Variants in PIBF1 observed in about 807,000 individuals in gnomAD.
PIBF1 encodes the protein progesterone-induced-blocking factor 1.
Under a neutral mutation model 112.5 loss-of-function variants are expected in PIBF1, and 90 were observed. The observed-to-expected ratio is 0.80, with a 90% CI of 0.67 to 0.95. The LOEUF (loss-of-function observed/expected upper bound fraction) is 0.95. Among genes scored for constraint, PIBF1 ranks in the 40% least tolerant of loss-of-function variants. The pLI is 0.00. For synonymous variants in PIBF1, 301 were observed against 288.6 expected, an observed-to-expected ratio of 1.04 and a Z score of -0.44; for missense variants, 915 against 852.3, an observed-to-expected ratio of 1.07 and a Z score of -0.92.
chr13:73,000,675 C>G (rs1418007538), intron 17 of PIBF1, among the ~76,000 whole-genome samples: 3 of 152,200 alleles, frequency 2.0e-5, no homozygotes, highest in African/African-American at 7.2e-5. Context: ...CCTGTCAGCA[C>G]TCTCTGATCT....
intron 9 of PIBF1, among the ~76,000 whole-genome samples, chr13:72,848,104 G>C (rs2037953682): frequency 6.6e-6 from 1 of 152,154 alleles, no homozygotes; most frequent in Non-Finnish European, 1.5e-5. Flanking sequence ...TGATAGCCAT[G>C]GTTATTTTTG....
At chr13:72,859,147 C>T (rs577230904) in intron 10 of PIBF1, among the ~76,000 whole-genome samples, 1 of 152,090 alleles carries the variant, frequency 6.6e-6, no homozygotes, top group Non-Finnish European at 1.5e-5. Flanking sequence ...AGATTATGCT[C>T]AGTAAGCAGC....
rs767218753 is a variant in PIBF1, at chr13:73,012,594, C to CA, written c.2224-3267dup. 4.5e-4 allele frequency among the ~76,000 whole-genome samples: 67 copies of CA among 149,310 alleles called. 1 individual carries two copies. The highest frequency in any genetic ancestry group is 2.4e-3 in the East Asian group (12 of 5,004). On this transcript the variant is annotated intron_variant, in intron 17 of 17. Transcript: ENST00000326291. ...ACACACCAAAAAAAACAAAAAAAAA[C>CA]AAAAAAAACACTTAGCCAGGCACTG...
rs1175476145 is a variant in PIBF1 at position 72,846,871 on chromosome 13, C to G, written c.1224-7186C>G. 2.6e-5 allele frequency among the ~76,000 whole-genome samples: 4 copies of G among 152,124 alleles called. No homozygotes were observed. The East Asian group carries it at 7.7e-4, about 29-fold the overall frequency. ...CATGTATCGTTCAGTCCTGGACTCCCAGGTACCAGTGCCTGGTACGCAGTA... is the reference window on the plus strand; with the variant it reads ...CATGTATCGTTCAGTCCTGGACTCCGAGGTACCAGTGCCTGGTACGCAGTA... On this transcript the variant is annotated intron_variant, in intron 9 of 17. Coordinates refer to ENST00000326291, the MANE Select transcript of PIBF1 (RefSeq NM_006346.4).
intron 10 of PIBF1, among the ~76,000 whole-genome samples, chr13:72,862,012 G>A (rs1298621383): frequency 6.6e-6 from 1 of 152,066 alleles, no homozygotes; most frequent in Non-Finnish European, 1.5e-5. Context: ...AGAATAAAGT[G>A]ATGAAAACAG....
intron 14 of PIBF1, among the ~76,000 whole-genome samples, chr13:72,948,866 C>A (rs1347614664): frequency 1.3e-5 from 2 of 152,196 alleles, no homozygotes; most frequent in African/African-American, 4.8e-5. Context: ...GTCACGAGAA[C>A]AGCATGAGCG....
chr13:72,783,508 C>T lies in PIBF1; in HGVS notation c.39C>T (p.Asn13=), dbSNP rs1488421222. ...RKISKESKKV[N]ISSSLESEDI... ...TTTCAAAGGAGTCAAAAAAAGTGAA[C>T]ATCTCTAGTTCTCTGGAATCTGAAG... is the stretch of plus-strand genomic sequence containing the variant. Residue 13 remains asparagine (N), a synonymous_variant, in exon 2 of 18, where the codon AAC becomes AAT. Transcript: ENST00000326291. The T allele has an allele frequency of 3.1e-6, 5 of 1,607,862 alleles. No homozygotes were observed. The highest frequency in any genetic ancestry group is 1.1e-5 in the South Asian group (1 of 89,938).
intron 5 of PIBF1, among the ~76,000 whole-genome samples, chr13:72,813,589 T>G (rs1419842128): frequency 1.3e-5 from 2 of 152,196 alleles, no homozygotes; most frequent in African/African-American, 4.8e-5. Context: ...CCTTTTGCAC[T>G]TGGCCTCTTC....
chr13:73,008,208 A>G (rs1014745897), intron 17 of PIBF1, among the ~76,000 whole-genome samples: 3 of 152,202 alleles, frequency 2.0e-5, no homozygotes, highest in African/African-American at 7.2e-5. Context: ...AGGATTGAAA[A>G]TATCTTTGAA....
At chr13:72,952,619 T>G (rs1246835895) in intron 14 of PIBF1, among the ~76,000 whole-genome samples, 2 of 144,598 alleles carry the variant, frequency 1.4e-5, no homozygotes, top group African/African-American at 5.2e-5. Flanking sequence ...ACTTATTTAT[T>G]TCTAATTCAA....
chr13:72,923,187 C>T (rs921549142), intron 13 of PIBF1, among the ~76,000 whole-genome samples: 1 of 152,162 alleles, frequency 6.6e-6, no homozygotes, highest in East Asian at 1.9e-4. Context: ...CAGAACAGAG[C>T]GTCAATCCTC....
At chr13:72,856,004 A>G (rs1566364494) in intron 10 of PIBF1, among the ~76,000 whole-genome samples, 1 of 152,220 alleles carries the variant, frequency 6.6e-6, no homozygotes, top group Non-Finnish European at 1.5e-5. Context: ...GTTGGAGAGA[A>G]TAATATATCT....
intron 17 of PIBF1, among the ~76,000 whole-genome samples, chr13:73,001,582 C>CTTTTTATTT (rs1555331970): frequency 3.4e-5 from 1 of 29,160 alleles, no homozygotes; most frequent in Non-Finnish European, 7.5e-5. Flanking sequence ...AAGAGCTTGA[C>CTTTTTATTT]TTTTTTTTTT....
chr13:72,905,021 G>C (rs2040643504), intron 11 of PIBF1, among the ~76,000 whole-genome samples: 1 of 151,034 alleles, frequency 6.6e-6, no homozygotes, highest in South Asian at 2.1e-4. Context: ...TGACTGAACT[G>C]TGATTAGACC....
intron 16 of PIBF1, among the ~76,000 whole-genome samples, chr13:72,977,699 A>G (rs1300617755): frequency 6.6e-6 from 1 of 152,224 alleles, no homozygotes; most frequent in African/African-American, 2.4e-5. Context: ...TTTATTTTCT[A>G]TATTAGTGTT....
rs560812165 is a variant in PIBF1, at chr13:73,013,936, C to A, written c.2224-1933C>A. Among the ~76,000 whole-genome samples the A allele has an allele frequency of 1.2e-3, 178 of 152,212 alleles. 1 individual carries two copies. The highest frequency in any genetic ancestry group is 4.3e-3 in the African/African-American group (177 of 41,542). The stretch of plus-strand genomic sequence containing the variant: ...AAATTCTGTACCCTGCAAAATTATT[C>A]TTTTCAGAAGTGAAAAAACAAAAAT... On this transcript the variant is annotated intron_variant, in intron 17 of 17. Coordinates refer to ENST00000326291, the MANE Select transcript of PIBF1 (RefSeq NM_006346.4).
intron 10 of PIBF1, among the ~76,000 whole-genome samples, chr13:72,858,198 C>T (rs1444359913): frequency 5.3e-5 from 8 of 151,936 alleles, no homozygotes; most frequent in African/African-American, 1.7e-4. Context: ...ATTACAGGCA[C>T]GTGCCACCAC....
At chr13:72,784,603 A>T (rs2034494050) in intron 2 of PIBF1, among the ~76,000 whole-genome samples, 1 of 151,954 alleles carries the variant, frequency 6.6e-6, no homozygotes. Context: ...CTACTAAAAA[A>T]ATAAAATAGC....
At chr13:72,860,665 A>G (rs2038653261) in intron 10 of PIBF1, among the ~76,000 whole-genome samples, 1 of 152,146 alleles carries the variant, frequency 6.6e-6, no homozygotes, top group African/African-American at 2.4e-5. Flanking sequence ...TTTTTCATTT[A>G]TGTTAGAAGT....
Sources: allele counts gnomAD v4.1 joint callset (sites outside exome capture counted in the v4.1 genomes callset), GRCh38; gene constraint gnomAD v4.1.1; transcripts MANE v1.5; gene names NCBI Gene and HGNC (gene_info 2026-07-23, HGNC 2026-07-21).